Variants in CENPE observed in about 807,000 individuals in gnomAD.
CENPE encodes the protein centromere protein E, also known as centromere-associated protein E.
Under a neutral mutation model 336.1 loss-of-function variants are expected in CENPE, and 145 were observed. That is an observed-to-expected ratio of 0.43 (90% CI 0.38 to 0.50). CENPE has a LOEUF of 0.50. CENPE is among the 20% of genes least tolerant of loss of function. The pLI is 0.00. For synonymous variants in CENPE, 1,013 were observed against 984.8 expected (o/e 1.03, Z -0.54); for missense variants, 2,719 against 3,023.3 (o/e 0.90, Z 2.36).
rs141813170 is a variant in CENPE, at chr4:103,136,226, T to C, written c.6437A>G (p.Tyr2146Cys). 2,000 of 1,613,720 alleles carry C rather than the reference T, an allele frequency of 1.2e-3. 4 individuals are homozygous for C. Among genetic ancestry groups the C allele is most frequent in the Non-Finnish European group, 1.6e-3 (1,919 of 1,179,826 alleles). The stretch of plus-strand genomic sequence containing the variant: ...TTTTTCAATGTGTTTGGTTTGTAAA[T>C]AGGGAAGTGAGAGGTTTGCTTTAAC... ...MRVKANLSLP[Y>C]LQTKHIEKLF... The change falls in exon 40 of 49, where the codon TAT becomes TGT. Residue 2146 changes from tyrosine (Y) to cysteine (C), a missense_variant. Physicochemically the swap from Tyr to Cys is radical, Grantham distance 194 (BLOSUM62 -2). Transcript: ENST00000265148.
intron 40 of CENPE, among the ~76,000 whole-genome samples, chr4:103,134,768 T>C (rs1751924825): frequency 6.6e-6 from 1 of 152,230 alleles, no homozygotes; most frequent in Non-Finnish European, 1.5e-5. Context: ...TTACCAGGAT[T>C]TGTGGAAGAA....
intron 29 of CENPE, 98 bp from the exon 30 acceptor site, chr4:103,146,205 T>G: frequency 1.9e-6 from 2 of 1,048,666 alleles, no homozygotes; most frequent in African/African-American, 3.2e-5. Context: ...AAGGCAGGAT[T>G]CAGTGCCTCA....
At chr4:103,118,946 T>C (rs1750374497) in intron 44 of CENPE, among the ~76,000 whole-genome samples, 1 of 152,190 alleles carries the variant, frequency 6.6e-6, no homozygotes, top group Admixed American at 6.5e-5. Flanking sequence ...TTTCTTGTTG[T>C]TTTCAGTTTG....
At chr4:103,124,062 T>A (rs1461552829) in intron 42 of CENPE, among the ~76,000 whole-genome samples, 1 of 152,220 alleles carries the variant, frequency 6.6e-6, no homozygotes, top group East Asian at 1.9e-4. Context: ...TTGTTACTAA[T>A]CTCTTACTGT....
rs1426194144 is a variant in CENPE, at chr4:103,174,910, T to C, written c.1480-7A>G. The C allele has an allele frequency of 7.7e-6, 11 of 1,431,708 alleles. No homozygotes were observed. Among genetic ancestry groups the C allele is most frequent in the Non-Finnish European group, 1.0e-5 (11 of 1,089,738 alleles). 88.7% of individuals were successfully genotyped at this position (1,431,708 alleles called of 1,614,324 possible). On this transcript the variant is annotated splice_region_variant and splice_polypyrimidine_tract_variant and intron_variant, in intron 15 of 48. Transcript: ENST00000265148. ...ACTCACTTTCTATATTCTCCTATTATAAACAAGAACAGATTTTCCAATCAG... is the reference window on the plus strand; with the variant it reads ...ACTCACTTTCTATATTCTCCTATTACAAACAAGAACAGATTTTCCAATCAG...
chr4:103,130,378 T>G (rs954975747), intron 42 of CENPE, among the ~76,000 whole-genome samples: 4 of 152,046 alleles, frequency 2.6e-5, no homozygotes, highest in African/African-American at 9.7e-5. Flanking sequence ...TACCAGCAAT[T>G]TACAAGTGTA....
intron 11 of CENPE, 88 bp from the exon 12 acceptor site, chr4:103,181,544 A>T: frequency 8.8e-7 from 1 of 1,134,540 alleles, no homozygotes; most frequent in Non-Finnish European, 1.2e-6. Context: ...TATATTCAAG[A>T]TTAAAAAAAT....
chr4:103,123,470 T>C (rs72944927), intron 42 of CENPE, among the ~76,000 whole-genome samples: 1,548 of 152,254 alleles, frequency 0.01, 31 homozygotes, highest in African/African-American at 0.035. Context: ...AATTTAGATA[T>C]GCCACCGTGA....
intron 8 of CENPE, among the ~76,000 whole-genome samples, chr4:103,190,156 T>C (rs1757166982): frequency 6.6e-6 from 1 of 152,130 alleles, no homozygotes. Context: ...TACAAACAAA[T>C]GGAAGAACAT....
chr4:103,113,023 AGT>A (rs1749670535), intron 46 of CENPE, among the ~76,000 whole-genome samples: 1 of 92,466 alleles, frequency 1.1e-5, no homozygotes, highest in African/African-American at 4.7e-5. Flanking sequence ...TATACTTATA[AGT>A]ATATAAGTGT....
chr4:103,169,504 G>A (rs912852959), intron 16 of CENPE, among the ~76,000 whole-genome samples: 1 of 152,142 alleles, frequency 6.6e-6, no homozygotes, highest in Non-Finnish European at 1.5e-5. Context: ...TCAAAGACAA[G>A]GAGAAAATCC....
At chr4:103,144,080 G>A (rs1301137180) in intron 33 of CENPE, among the ~76,000 whole-genome samples, 1 of 152,088 alleles carries the variant, frequency 6.6e-6, no homozygotes, top group Non-Finnish European at 1.5e-5. Context: ...GGGACTACAG[G>A]CGCCCACCAC....
intron 9 of CENPE, 143 bp from the exon 10 acceptor site, chr4:103,183,431 T>C: frequency 3.4e-6 from 2 of 581,822 alleles, no homozygotes; most frequent in Non-Finnish European, 6.0e-6. Context: ...ATCTTTAATA[T>C]CAGTGGTAGA....
Position 103,195,929 on chromosome 4 carries a change from T to G in CENPE, c.348A>C (p.Lys116Asn). The change falls in exon 4 of 49, where the codon AAA becomes AAC. Residue 116 changes from lysine (K) to asparagine (N), a missense_variant. By Grantham distance (94) the Lys-to-Asn change is moderately conservative. Coordinates refer to ENST00000265148, the MANE Select transcript of CENPE (RefSeq NM_001813.3). The stretch of plus-strand genomic sequence containing the variant: ...CAGTTAAGTTACTTACCTTCTTAAT[T>G]TTTTGGAAAATGTCATGAATTGCCC... ...IPRAIHDIFQKIKKFPDREFL... is the reference protein window; with the variant it reads ...IPRAIHDIFQNIKKFPDREFL... 1 of 1,607,766 alleles carries G rather than the reference T, an allele frequency of 6.2e-7. No homozygotes were observed. The highest frequency in any genetic ancestry group is 8.5e-7 in the Non-Finnish European group (1 of 1,174,276).
chr4:103,196,789 G>C lies in CENPE; in HGVS notation c.118C>G (p.Gln40Glu). The part of the protein sequence containing the change: ...YWKTDNNVIY[Q>E]VDGSKSFNFD... The stretch of plus-strand genomic sequence containing the variant: ...TTGAAGGATTTACTTCCATCAACTT[G>C]ATAAATGACATTATTGTCAGTTTTC... Residue 40 changes from glutamine to glutamate, a missense_variant, in exon 2 of 49, where the codon CAA (glutamine) becomes GAA (glutamate). Coordinates refer to ENST00000265148, the MANE Select transcript of CENPE (RefSeq NM_001813.3). The C allele has an allele frequency of 3.1e-6, 5 of 1,592,056 alleles. No individual in the cohort carries two copies. The highest frequency in any genetic ancestry group is 1.7e-5 in the Admixed American group (1 of 59,332).
At chr4:103,190,962 C>G (rs1228984048) in intron 8 of CENPE, among the ~76,000 whole-genome samples, 2 of 148,834 alleles carry the variant, frequency 1.3e-5, no homozygotes, top group Non-Finnish European at 3.0e-5. Flanking sequence ...AAAAAACAAA[C>G]AACCACATCG....
chr4:103,161,322 A>G lies in CENPE; in HGVS notation c.1965+13T>C. 2 of 1,606,736 alleles carry G rather than the reference A, an allele frequency of 1.2e-6. No individual in the cohort carries two copies. Among genetic ancestry groups the G allele is most frequent in the East Asian group, 4.5e-5 (2 of 44,688 alleles). Reference sequence around the variant, plus strand: ...ACAACTACTTTATTATAAATATTACAAAAAATACTTACCATTTTCTCCTTC... The same window carrying G: ...ACAACTACTTTATTATAAATATTACGAAAAATACTTACCATTTTCTCCTTC... On this transcript the variant is annotated intron_variant, in intron 19 of 48. Transcript: ENST00000265148.
rs766601746 is a variant in CENPE at position 103,160,807 on chromosome 4, G to T, written c.2132-28C>A. 3.9e-6 allele frequency: 6 copies of T among 1,538,568 alleles called. No individual in the cohort carries two copies. In the East Asian group the frequency reaches 6.9e-5, roughly 18 times the overall value. ...AGAAAGTTTTGGTAAATTGTATAAA[G>T]ATCCAATGTTGCCAAACAGGTAATT... On this transcript the variant is annotated intron_variant, in intron 20 of 48. Coordinates refer to ENST00000265148, the MANE Select transcript of CENPE (RefSeq NM_001813.3).
rs1263433768 is a variant in CENPE, at chr4:103,140,044, A to C, written c.5949T>G (p.Leu1983=). The change falls in exon 38 of 49, where the codon CTT becomes CTG. Residue 1983 remains leucine (L), a synonymous_variant. Coordinates refer to ENST00000265148, the MANE Select transcript of CENPE (RefSeq NM_001813.3). ...TCATATTGACATCTTCTTTCACTCT[A>C]AGCAGTTGAAGTTCTTTTTTCTGAA... ...QELQKKELQL[L]RVKEDVNMSH... 1 of 1,607,220 alleles carries C rather than the reference A, an allele frequency of 6.2e-7. No homozygotes were observed. Among genetic ancestry groups the C allele is most frequent in the Admixed American group, 1.7e-5 (1 of 58,856 alleles).
Sources: gnomAD v4.1 joint callset for allele counts (sites outside exome capture counted in the v4.1 genomes callset) on GRCh38, gnomAD v4.1.1 for gene constraint, MANE v1.5 for transcripts, NCBI Gene and HGNC (gene_info 2026-07-23, HGNC 2026-07-21) for gene names.